Variants in NDRG2 observed in about 807,000 individuals in gnomAD.
NDRG2 encodes the protein protein NDRG2.
A neutral mutation model predicts 58.2 loss-of-function variants in NDRG2; 34 were observed. The ratio of observed to expected loss-of-function variants is 0.58; its 90% CI spans 0.44 to 0.78. NDRG2 has a LOEUF of 0.78. NDRG2 is among the 30% of genes least tolerant of loss of function. NDRG2 has a pLI of 0.00. For synonymous variants in NDRG2, 187 were observed against 175.9 expected (o/e 1.06, Z -0.50); for missense variants, 434 against 471.2 (o/e 0.92, Z 0.73).
chr14:21,054,995 C>G (rs931993851), intron 1 of NDRG2, among the ~76,000 whole-genome samples: 1 of 152,162 alleles, frequency 6.6e-6, no homozygotes, highest in East Asian at 1.9e-4. Flanking sequence ...TGTATGTTAT[C>G]CTGGCTGCCT....
At chr14:21,058,431 T>A in intron 1 of NDRG2, 3 of 1,085,176 alleles carry the variant, frequency 2.8e-6, no homozygotes, top group South Asian at 3.0e-5. Flanking sequence ...AGTTCGTTAT[T>A]AATCCTTGCT....
At position 21,017,494 on chromosome 14, in the gene NDRG2, C is replaced by T. The variant is rs551514767; in HGVS notation, c.*102G>A. Reference sequence around the variant, plus strand: ...AGGTCATCTCCCCGCATGATCTGCCCTTTTTCCCTTGCTTACGGTGGCCCA... The same window carrying T: ...AGGTCATCTCCCCGCATGATCTGCCTTTTTTCCCTTGCTTACGGTGGCCCA... On this transcript the variant is annotated 3_prime_UTR_variant, in exon 16 of 16. Coordinates refer to ENST00000556147, the MANE Select transcript of NDRG2 (RefSeq NM_001320329.2). 2.2e-6 allele frequency: 3 copies of T among 1,341,314 alleles called. No homozygotes were observed. The East Asian group carries it at 7.5e-5, about 34-fold the overall frequency. 83.1% of individuals were successfully genotyped at this position (1,341,314 alleles called of 1,614,324 possible).
At chr14:21,020,307 A>C in intron 8 of NDRG2, 189 bp downstream of exon 8, 1 of 582,032 alleles carries the variant, frequency 1.7e-6, no homozygotes, top group South Asian at 2.3e-5. Context: ...AAAAAAAAAA[A>C]AAAGAAAAAG....
At chr14:21,051,791 G>A (rs1399069954) in intron 1 of NDRG2, among the ~76,000 whole-genome samples, 2 of 152,200 alleles carry the variant, frequency 1.3e-5, no homozygotes, top group African/African-American at 4.8e-5. Context: ...ACCACCAGGA[G>A]GCTGTTTGAA....
chr14:21,054,626 A>C (rs1437588952), intron 1 of NDRG2, among the ~76,000 whole-genome samples: 1 of 152,260 alleles, frequency 6.6e-6, no homozygotes, highest in Non-Finnish European at 1.5e-5. Context: ...TAAACAGGAA[A>C]GCAGTGTGGC....
At chr14:21,025,233 CG>C, upstream of NDRG2, 6 of 851,660 alleles carry the variant, frequency 7.0e-6, no homozygotes, top group Non-Finnish European at 7.1e-6. This position sits in a 1 kb window ranked among gnomAD's most constrained non-coding sequence, Gnocchi z 5.1. Context: ...GTGCTGGGGC[CG>C]GGGGGCGAGG....
chr14:21,023,204 G>A, intron 2 of NDRG2, 37 bp downstream of exon 2: 1 of 1,578,798 alleles, frequency 6.3e-7, no homozygotes. Context: ...TTAGAGGTCT[G>A]GAATTTGGGC....
chr14:21,030,737 C>T (rs994636303), upstream of NDRG2: 9 of 1,614,032 alleles, frequency 5.6e-6, no homozygotes, highest in East Asian at 4.5e-5. Flanking sequence ...ACGTGGACAT[C>T]GTGTTCAGCA....
intron 1 of NDRG2, among the ~76,000 whole-genome samples, chr14:21,044,610 C>T (rs568900396): frequency 2.0e-5 from 3 of 152,342 alleles, no homozygotes; most frequent in African/African-American, 7.2e-5. Context: ...CCCTGTCCCC[C>T]TGGGCTACAG....
chr14:21,023,015 A>G (rs1881545352), intron 2 of NDRG2, 110 bp from the exon 3 acceptor site: 1 of 1,278,226 alleles, frequency 7.8e-7, no homozygotes. Context: ...CAAATGACCA[A>G]AGACAGAAAG....
chr14:21,044,016 GC>G (rs1219922842), intron 1 of NDRG2: 1 of 168,782 alleles, frequency 5.9e-6, no homozygotes, highest in African/African-American at 2.4e-5. Flanking sequence ...GAATTAAAGA[GC>G]TTGTCTAATT....
At chr14:21,043,730 T>C in intron 1 of NDRG2, 1 of 400,220 alleles carries the variant, frequency 2.5e-6, no homozygotes, top group Non-Finnish European at 4.6e-6. Flanking sequence ...CCATTGCACA[T>C]GTCTCCCCTG....
At chr14:21,020,293 C>CAAAAAAAAA in intron 8 of NDRG2, 2 of 388,704 alleles carry the variant, frequency 5.1e-6, no homozygotes, top group South Asian at 3.3e-5. Context: ...GACACCATCT[C>CAAAAAAAAA]AAAAAAAAAA....
intron 1 of NDRG2, among the ~76,000 whole-genome samples, chr14:21,060,430 C>T (rs1236373812): frequency 3.3e-5 from 5 of 152,176 alleles, no homozygotes; most frequent in Admixed American, 3.3e-4. Context: ...CCCCTGGCTT[C>T]TTCCCAGTGT....
chr14:21,043,346 C>G (rs763804219), intron 1 of NDRG2: 1 of 1,614,196 alleles, frequency 6.2e-7, no homozygotes, highest in Non-Finnish European at 8.5e-7. Context: ...AGCATCCGAA[C>G]TGCAGGTACA....
intron 11 of NDRG2, 67 bp downstream of exon 11, chr14:21,019,047 TTC>T: frequency 1.3e-6 from 2 of 1,500,470 alleles, no homozygotes; most frequent in Non-Finnish European, 1.8e-6. Context: ...ATTCTCCTTC[TTC>T]TAAGGGACAC....
At chr14:21,044,796 C>A (rs1282386421) in intron 1 of NDRG2, among the ~76,000 whole-genome samples, 1 of 152,156 alleles carries the variant, frequency 6.6e-6, no homozygotes, top group African/African-American at 2.4e-5. Flanking sequence ...AACCCAAATT[C>A]ATTATAAGAC....
chr14:21,070,671 C>A lies in NDRG2; in HGVS notation c.24+157G>T, dbSNP rs58394869. ...GGTCTCTCCCCTAATCCACACACCT[C>A]CCCGCTCCCCGCCCTCCTCTGTCCT... On this transcript the variant is annotated intron_variant, in intron 1 of 14. Coordinates refer to the NDRG2 transcript ENST00000403829. This position sits in a 1 kb window ranked among gnomAD's most constrained non-coding sequence, Gnocchi z 4.7. 6.6e-6 allele frequency among the ~76,000 whole-genome samples: 1 copy of A among 152,254 alleles called. No individual in the cohort carries two copies. The highest frequency in any genetic ancestry group is 2.4e-5 in the African/African-American group (1 of 41,560).
upstream of NDRG2, chr14:21,025,637 C>A: frequency 1.0e-6 from 1 of 985,384 alleles, no homozygotes; most frequent in Non-Finnish European, 1.2e-6. The surrounding 1 kb of genome is among the most constrained non-coding windows in gnomAD (Gnocchi z 5.1). Context: ...ACGTCGAGGG[C>A]GCAGGAGTTC....
Sources: gnomAD v4.1 joint callset for allele counts (sites outside exome capture counted in the v4.1 genomes callset) on GRCh38, gnomAD v4.1.1 for gene constraint, Gnocchi (gnomAD v3.1) non-coding constraint, MANE v1.5 for transcripts, NCBI Gene and HGNC (gene_info 2026-07-23, HGNC 2026-07-21) for gene names.